The following SLC29A3 variants were observed in gnomAD, a reference collection of about 807,000 sequenced individuals.
SLC29A3 encodes solute carrier family 29 member 3, also known as equilibrative nucleoside transporter 3.
In SLC29A3, 18 loss-of-function variants were observed where a neutral mutation model predicts 25.4. That is an observed-to-expected ratio of 0.71 (90% CI 0.49 to 1.05). SLC29A3 has a LOEUF of 1.05. Among genes scored for constraint, SLC29A3 ranks in the 50% least tolerant of loss-of-function variants. SLC29A3 has a pLI of 0.00. For missense variants in SLC29A3, 586 were observed against 609.0 expected (o/e 0.96, Z 0.40); for synonymous variants, 258 against 267.1 (o/e 0.97, Z 0.33).
At chr10:71,337,872 A>G (rs1846295171) in intron 2 of SLC29A3, among the ~76,000 whole-genome samples, 1 of 152,248 alleles carries the variant, frequency 6.6e-6, no homozygotes, top group South Asian at 2.1e-4. Flanking sequence ...TGGGCCTCAC[A>G]TCTGGCCAGC....
At chr10:71,334,139 C>T (rs1010518192) in intron 2 of SLC29A3, among the ~76,000 whole-genome samples, 4 of 152,182 alleles carry the variant, frequency 2.6e-5, no homozygotes, top group African/African-American at 9.6e-5. Context: ...CCATGTCCTC[C>T]TTTGAGGAAT....
intron 3 of SLC29A3, among the ~76,000 whole-genome samples, chr10:71,373,003 C>A (rs35685474): frequency 0.19 from 29,126 of 152,062 alleles, 2,954 homozygotes; most frequent in East Asian, 0.24. Context: ...CTCACCCCCT[C>A]GCAGGCATTC....
intron 2 of SLC29A3, among the ~76,000 whole-genome samples, chr10:71,343,604 T>C (rs1846472795): frequency 6.6e-6 from 1 of 152,112 alleles, no homozygotes; most frequent in African/African-American, 2.4e-5. Context: ...CAGGGCCTCT[T>C]GTATATCTAA....
chr10:71,350,709 C>T (rs1414790222), intron 3 of SLC29A3, among the ~76,000 whole-genome samples: 1 of 152,176 alleles, frequency 6.6e-6, no homozygotes. Context: ...CTGAGGCCAT[C>T]ACAGGAGGAT....
chr10:71,322,336 A>G (rs1845864919), intron 1 of SLC29A3, among the ~76,000 whole-genome samples: 1 of 152,236 alleles, frequency 6.6e-6, no homozygotes, highest in South Asian at 2.1e-4. Flanking sequence ...AAAAGGGTTT[A>G]GAGATCATTC....
chr10:71,360,967 A>G (rs966781975), intron 5 of SLC29A3, among the ~76,000 whole-genome samples: 2 of 152,264 alleles, frequency 1.3e-5, no homozygotes, highest in Admixed American at 6.5e-5. Flanking sequence ...GGCAGTTAGT[A>G]TAAGGCATTT....
intron 2 of SLC29A3, among the ~76,000 whole-genome samples, chr10:71,327,771 C>G (rs994419257): frequency 1.4e-5 from 2 of 142,336 alleles, no homozygotes; most frequent in East Asian, 4.3e-4. Flanking sequence ...GAGCCTGCCC[C>G]TGGTCTGGCC....
intron 4 of SLC29A3, among the ~76,000 whole-genome samples, chr10:71,377,160 C>G: frequency 6.6e-6 from 1 of 152,214 alleles, no homozygotes; most frequent in East Asian, 1.9e-4. Flanking sequence ...GATCTCCGGG[C>G]CTCAAGGCCC....
At chr10:71,338,121 T>A (rs1375487106) in intron 2 of SLC29A3, among the ~76,000 whole-genome samples, 1 of 152,172 alleles carries the variant, frequency 6.6e-6, no homozygotes, top group Non-Finnish European at 1.5e-5. Context: ...GGAACCCCCA[T>A]GCCCACCCTG....
intron 4 of SLC29A3, among the ~76,000 whole-genome samples, chr10:71,378,156 A>G (rs1214887811): frequency 6.6e-6 from 1 of 152,194 alleles, no homozygotes; most frequent in East Asian, 1.9e-4. Flanking sequence ...AGTTAGGTAC[A>G]AAAATGAACT....
chr10:71,380,292 G>A (rs1406213443), exon 5 of SLC29A3: 4 of 152,200 alleles, frequency 2.6e-5, no homozygotes, highest in Non-Finnish European at 2.9e-5. Context: ...AATGATGGCT[G>A]TGTTAACAGG....
chr10:71,348,618 G>GT (rs1846660213), intron 3 of SLC29A3, among the ~76,000 whole-genome samples: 7 of 152,286 alleles, frequency 4.6e-5, no homozygotes, highest in Admixed American at 4.6e-4. Context: ...AGCATCAGGG[G>GT]TAAGTCTTGA....
intron 2 of SLC29A3, among the ~76,000 whole-genome samples, chr10:71,329,967 G>A (rs889666707): frequency 3.9e-5 from 6 of 152,220 alleles, no homozygotes; most frequent in Admixed American, 3.9e-4. Flanking sequence ...GGAAGTCTAA[G>A]GAGTTGGCCT....
rs2275579 is a variant in SLC29A3 at position 71,363,319 on chromosome 10, C to T, written c.*711C>T. 8,076 of 454,102 alleles carry T rather than the reference C, an allele frequency of 0.018. 148 individuals carry two copies. Among genetic ancestry groups the T allele is most frequent in the African/African-American group, 0.043 (2,172 of 50,108 alleles). The allele number at this position is 454,102 out of a possible 1,614,324, so 28.1% of individuals were successfully genotyped here. A position where few individuals can be genotyped will look rare whatever the true frequency, so the allele number is the denominator to read the frequency against. On this transcript the variant is annotated 3_prime_UTR_variant, in exon 6 of 6. Coordinates refer to ENST00000373189, the MANE Select transcript of SLC29A3 (RefSeq NM_018344.6). The stretch of plus-strand genomic sequence containing the variant: ...GGCCTGGGTCAAGATGAGGGTCTTT[C>T]AGTGTTCCTGTTTACAACATGTCAA...
chr10:71,339,363 C>T (rs1846334763), intron 2 of SLC29A3, among the ~76,000 whole-genome samples: 1 of 152,232 alleles, frequency 6.6e-6, no homozygotes. Flanking sequence ...CCTGCCTGAG[C>T]TCCAGGTCAT....
intron 2 of SLC29A3, among the ~76,000 whole-genome samples, chr10:71,343,910 C>CAGA (rs981782835): frequency 6.6e-6 from 1 of 152,200 alleles, no homozygotes; most frequent in Non-Finnish European, 1.5e-5. Flanking sequence ...AGTCCATGGG[C>CAGA]AGAAGTGTGG....
At chr10:71,347,260 T>G (rs1424318525) in intron 3 of SLC29A3, among the ~76,000 whole-genome samples, 2 of 152,092 alleles carry the variant, frequency 1.3e-5, no homozygotes, top group Non-Finnish European at 1.5e-5. Context: ...ATGAGGAGGA[T>G]TTACATCTTG....
intron 3 of SLC29A3, among the ~76,000 whole-genome samples, chr10:71,350,978 G>A (rs1846740324): frequency 6.6e-6 from 1 of 152,236 alleles, no homozygotes; most frequent in Admixed American, 6.5e-5. Context: ...TGCTAGAAAA[G>A]TATGCATTAA....
At chr10:71,360,968 T>A (rs1253743094) in intron 5 of SLC29A3, among the ~76,000 whole-genome samples, 5 of 152,270 alleles carry the variant, frequency 3.3e-5, no homozygotes, top group African/African-American at 4.8e-5. Context: ...GCAGTTAGTA[T>A]AAGGCATTTA....
Sources: allele counts gnomAD v4.1 joint callset (sites outside exome capture counted in the v4.1 genomes callset), GRCh38; gene constraint gnomAD v4.1.1; transcripts MANE v1.5; gene names NCBI Gene and HGNC (gene_info 2026-07-23, HGNC 2026-07-21).